SUSD5: variants seen among roughly 807,000 people sequenced by gnomAD.
The protein encoded by SUSD5 is sushi domain containing 5.
Under a neutral mutation model 29.5 loss-of-function variants are expected in SUSD5, and 33 were observed. That is an observed-to-expected ratio of 1.12 (90% CI 0.85 to 1.49). The LOEUF (loss-of-function observed/expected upper bound fraction) is 1.49. Ranked by LOEUF, SUSD5 falls within the 40% of genes most tolerant of loss-of-function variation. SUSD5 has a pLI of 0.00. For synonymous variants in SUSD5, 308 were observed against 325.3 expected (o/e 0.95, Z 0.57); for missense variants, 776 against 800.6 (o/e 0.97, Z 0.37).
chr3:33,185,744 C>T (rs1356757345), intron 3 of SUSD5, among the ~76,000 whole-genome samples: 1 of 152,158 alleles, frequency 6.6e-6, no homozygotes, highest in Admixed American at 6.6e-5. Context: ...TATTACAGCT[C>T]TTTCCACATT....
intron 1 of SUSD5, among the ~76,000 whole-genome samples, chr3:33,215,855 T>G (rs971193130): frequency 2.6e-5 from 4 of 152,156 alleles, no homozygotes; most frequent in Non-Finnish European, 5.9e-5. Flanking sequence ...TAAGAGAAAT[T>G]TATAGCCTCA....
At chr3:33,154,142 C>A in intron 4 of SUSD5, 109 bp from the exon 5 acceptor site, 1 of 864,290 alleles carries the variant, frequency 1.2e-6, no homozygotes, top group Non-Finnish European at 1.7e-6. Flanking sequence ...ATAAATAATA[C>A]TGTTATTATT....
At chr3:33,183,201 T>C (rs2031708527) in intron 3 of SUSD5, among the ~76,000 whole-genome samples, 1 of 152,196 alleles carries the variant, frequency 6.6e-6, no homozygotes, top group South Asian at 2.1e-4. Flanking sequence ...ACCTGCCTTT[T>C]AATTAGTGTA....
intron 4 of SUSD5, among the ~76,000 whole-genome samples, chr3:33,173,801 G>A (rs1453131060): frequency 1.3e-5 from 2 of 152,174 alleles, no homozygotes; most frequent in African/African-American, 4.8e-5. Flanking sequence ...TGTGAGATAA[G>A]GGAACAATTC....
chr3:33,211,414 A>G (rs761169285), intron 2 of SUSD5, among the ~76,000 whole-genome samples: 2 of 152,240 alleles, frequency 1.3e-5, no homozygotes, highest in Non-Finnish European at 2.9e-5. Context: ...ATGAAAAAAT[A>G]TTCCTACTTG....
chr3:33,157,751 G>C (rs114599887), intron 4 of SUSD5, among the ~76,000 whole-genome samples: 1,806 of 152,296 alleles, frequency 0.012, 39 homozygotes, highest in African/African-American at 0.042. Flanking sequence ...GCTGCCATGT[G>C]AACAAACCTG....
chr3:33,156,318 C>T (rs1251884411), intron 4 of SUSD5, among the ~76,000 whole-genome samples: 1 of 152,154 alleles, frequency 6.6e-6, no homozygotes, highest in African/African-American at 2.4e-5. Context: ...GGATTACAGG[C>T]ATGAGTCACC....
chr3:33,158,361 C>T (rs2031101731), intron 4 of SUSD5, among the ~76,000 whole-genome samples: 1 of 152,192 alleles, frequency 6.6e-6, no homozygotes, highest in African/African-American at 2.4e-5. Context: ...GCACACAACA[C>T]ACACCCTCAC....
At position 33,213,909 on chromosome 3, in the gene SUSD5, G is replaced by C. The variant is rs750445690; in HGVS notation, c.290+19C>G. On this transcript the variant is annotated intron_variant, in intron 2 of 4. Coordinates refer to ENST00000309558, the MANE Select transcript of SUSD5 (RefSeq NM_015551.2). ...GTGCAACTGGGGTGAGTTGGAAAAG[G>C]AGTGCTCGCCTAACTTACCCAAGAG... is the stretch of plus-strand genomic sequence containing the variant. The C allele has an allele frequency of 2.5e-6, 4 of 1,572,324 alleles. No homozygotes were observed. In the South Asian group the frequency reaches 4.7e-5, roughly 19 times the overall value.
intron 2 of SUSD5, among the ~76,000 whole-genome samples, chr3:33,211,815 C>G (rs1189365240): frequency 6.6e-6 from 1 of 152,162 alleles, no homozygotes; most frequent in African/African-American, 2.4e-5. Context: ...TTTTCCCAGA[C>G]CAATATCCTG....
Position 33,153,345 on chromosome 3 carries a change from C to G in SUSD5, c.1287G>C (p.Glu429Asp). 1 of 1,613,890 alleles carries G rather than the reference C, an allele frequency of 6.2e-7. No homozygotes were observed. The highest frequency in any genetic ancestry group is 8.5e-7 in the Non-Finnish European group (1 of 1,179,862). Residue 429 changes from glutamate (E) to aspartate (D), a missense_variant, in exon 5 of 5, where the codon GAG becomes GAC. Physicochemically the swap from Glu to Asp is conservative, Grantham distance 45 (BLOSUM62 2). Coordinates refer to ENST00000309558, the MANE Select transcript of SUSD5 (RefSeq NM_015551.2). ...GAAGAACTGAACTATGGGTCATGCCCTCGCTTGGTGTGAGGGTGCTACTCT... is the reference window on the plus strand; with the variant it reads ...GAAGAACTGAACTATGGGTCATGCCGTCGCTTGGTGTGAGGGTGCTACTCT... ...KPKSSTLTPS[E>D]GMTHSSVLPS... is the part of the protein sequence containing the mutation.
rs2030848425 is a variant in SUSD5 at position 33,150,550 on chromosome 3, G to A, written c.*2192C>T. ...AATTTATAAATATATACAGTCTCTG[G>A]CTTTTATTCTATTATGTTTTGCTTT... On this transcript the variant is annotated 3_prime_UTR_variant, in exon 5 of 5. Transcript: ENST00000309558. 6.6e-6 allele frequency: 1 copy of A among 152,086 alleles called. No homozygotes were observed. The highest frequency in any genetic ancestry group is 1.5e-5 in the Non-Finnish European group (1 of 68,028). 9.4% of individuals were successfully genotyped at this position (152,086 alleles called of 1,614,324 possible).
At chr3:33,200,101 G>C (rs2032086886) in intron 3 of SUSD5, among the ~76,000 whole-genome samples, 1 of 152,152 alleles carries the variant, frequency 6.6e-6, no homozygotes, top group Non-Finnish European at 1.5e-5. Flanking sequence ...GATCATGAGG[G>C]TAGAAACTTC....
At chr3:33,182,343 T>A (rs1345371824) in intron 3 of SUSD5, among the ~76,000 whole-genome samples, 5 of 152,234 alleles carry the variant, frequency 3.3e-5, no homozygotes, top group Admixed American at 3.3e-4. Flanking sequence ...CGGCCCAGGA[T>A]GTGGTTGATC....
At chr3:33,161,179 CA>C (rs1314477269) in intron 4 of SUSD5, among the ~76,000 whole-genome samples, 1 of 152,114 alleles carries the variant, frequency 6.6e-6, no homozygotes, top group Non-Finnish European at 1.5e-5. Flanking sequence ...CATAAAACAA[CA>C]ACATATACAC....
At chr3:33,175,576 TAC>T (rs796445118) in intron 3 of SUSD5, among the ~76,000 whole-genome samples, 132 of 151,408 alleles carry the variant, frequency 8.7e-4, no homozygotes, top group African/African-American at 2.8e-3. Context: ...TATATATATA[TAC>T]ACACACACAC....
chr3:33,199,623 A>T lies in SUSD5; in HGVS notation c.409+8185T>A, dbSNP rs78273138. On this transcript the variant is annotated intron_variant, in intron 3 of 4. Transcript: ENST00000309558. ...TGGATTATACTATACATATTCTGAG[A>T]CCTGCATAATATGTCTTAGAAGATT... is the stretch of plus-strand genomic sequence containing the variant. 8.5e-3 allele frequency among the ~76,000 whole-genome samples: 1,288 copies of T among 152,352 alleles called. 18 individuals are homozygous for T. Among genetic ancestry groups the T allele is most frequent in the African/African-American group, 0.03 (1,237 of 41,576 alleles).
intron 4 of SUSD5, among the ~76,000 whole-genome samples, chr3:33,165,562 AG>A (rs1276090524): frequency 1.3e-5 from 2 of 152,360 alleles, no homozygotes; most frequent in East Asian, 3.9e-4. Flanking sequence ...ACCATGTACC[AG>A]GAAAAACTGG....
rs569636037 is a variant in SUSD5 at position 33,184,066 on chromosome 3, T to C, written c.410-8992A>G. Among the ~76,000 whole-genome samples the C allele has an allele frequency of 8.7e-4, 132 of 151,180 alleles. 1 individual carries two copies. Among genetic ancestry groups the C allele is most frequent in the African/African-American group, 2.9e-3 (119 of 41,154 alleles). On this transcript the variant is annotated intron_variant, in intron 3 of 4. Coordinates refer to ENST00000309558, the MANE Select transcript of SUSD5 (RefSeq NM_015551.2). ...GATTCTCCTGCCTCAGCCTACTGAG[T>C]AGCTGGGACTACAGGCACACACCAC...
Sources: gnomAD v4.1 joint callset for allele counts (sites outside exome capture counted in the v4.1 genomes callset) on GRCh38, gnomAD v4.1.1 for gene constraint, MANE v1.5 for transcripts, NCBI Gene and HGNC (gene_info 2026-07-23, HGNC 2026-07-21) for gene names.